Variants in SLC2A9 observed in about 807,000 individuals in gnomAD.
SLC2A9 encodes solute carrier family 2, facilitated glucose transporter member 9.
In SLC2A9, 39 loss-of-function variants were observed where a neutral mutation model predicts 50.6. The ratio of observed to expected loss-of-function variants is 0.77; its 90% CI spans 0.60 to 1.01. The LOEUF is 1.01. SLC2A9 is among the 50% of genes least tolerant of loss of function. The pLI is 0.00. For synonymous variants in SLC2A9, 324 were observed against 276.9 expected, an observed-to-expected ratio of 1.17 and a Z score of -1.69; for missense variants, 686 against 677.6, an observed-to-expected ratio of 1.01 and a Z score of -0.14.
chr4:10,019,360 G>A (rs1454438296), intron 1 of SLC2A9: 2 of 519,024 alleles, frequency 3.9e-6, no homozygotes, highest in Non-Finnish European at 7.0e-6. Context: ...AGCTGCTCTG[G>A]GCAGCTCCAC....
At chr4:10,025,919 T>C (rs752457867), upstream of SLC2A9, 4 of 1,614,004 alleles carry the variant, frequency 2.5e-6, no homozygotes, top group Non-Finnish European at 3.4e-6. Flanking sequence ...TCTTTTTCGC[T>C]GAATCACTTT....
intron 5 of SLC2A9, among the ~76,000 whole-genome samples, chr4:9,948,665 C>A (rs1749649734): frequency 6.6e-6 from 1 of 152,208 alleles, no homozygotes; most frequent in South Asian, 2.1e-4. Context: ...TCCAAATTAT[C>A]CCACTCTGAT....
intron 3 of SLC2A9, among the ~76,000 whole-genome samples, chr4:9,804,903 G>A (rs1353690497): frequency 6.6e-6 from 1 of 152,142 alleles, no homozygotes; most frequent in Admixed American, 6.5e-5. Flanking sequence ...AGCTGAGAGG[G>A]CTAACAGGGG....
At chr4:9,772,013 G>A (rs1387596516) in intron 1 of SLC2A9, among the ~76,000 whole-genome samples, 1 of 152,154 alleles carries the variant, frequency 6.6e-6, no homozygotes, top group Non-Finnish European at 1.5e-5. Flanking sequence ...CTGAGGAGCT[G>A]GGAATTAGTG....
chr4:9,979,587 A>T (rs1293389217), intron 5 of SLC2A9, among the ~76,000 whole-genome samples: 1 of 151,958 alleles, frequency 6.6e-6, no homozygotes, highest in African/African-American at 2.4e-5. Flanking sequence ...TCGCAGCTGC[A>T]TCCTTCCCTT....
chr4:9,901,689 T>G (rs1212220361), intron 8 of SLC2A9, among the ~76,000 whole-genome samples: 3 of 145,498 alleles, frequency 2.1e-5, no homozygotes, highest in Non-Finnish European at 4.5e-5. Context: ...CACCAGCCCC[T>G]TGGCCCCTCA....
At chr4:9,831,213 C>A (rs543392677) in intron 11 of SLC2A9, among the ~76,000 whole-genome samples, 7 of 151,992 alleles carry the variant, frequency 4.6e-5, no homozygotes, top group South Asian at 2.1e-4. Flanking sequence ...GGCTGAACTG[C>A]GTCCCTCCTG....
chr4:10,012,097 T>C (rs1451729057), intron 2 of SLC2A9, among the ~76,000 whole-genome samples: 1 of 152,230 alleles, frequency 6.6e-6, no homozygotes, highest in Non-Finnish European at 1.5e-5. Flanking sequence ...AGTTCAGTAG[T>C]TGCAACAGAG....
chr4:9,876,398 G>C (rs1241123899), intron 10 of SLC2A9, among the ~76,000 whole-genome samples: 2 of 152,086 alleles, frequency 1.3e-5, no homozygotes, highest in African/African-American at 2.4e-5. Flanking sequence ...TTCCAGACCA[G>C]GTTGGGAAAC....
chr4:9,871,148 AC>A (rs1733363538), intron 10 of SLC2A9, among the ~76,000 whole-genome samples: 1 of 152,046 alleles, frequency 6.6e-6, no homozygotes, highest in Admixed American at 6.6e-5. Context: ...GTGCACCATA[AC>A]CTTGGCAGGC....
rs934620937 is a variant in SLC2A9 at position 9,783,614 on chromosome 4, G to A, written n.386-3549C>T. On this transcript the variant is annotated intron_variant and non_coding_transcript_variant, in intron 3 of 3. Coordinates refer to the SLC2A9 transcript ENST00000503803. ...GTGTGCTTAGAAACCTCACCCCATT[G>A]ATTGGTAGTTCGAAGAATTGGCAGA... 50 of 747,750 alleles carry A rather than the reference G, an allele frequency of 6.7e-5. No individual in the cohort carries two copies. In the African/African-American group the frequency reaches 7.6e-4, roughly 11 times the overall value. The allele number at this position is 747,750 out of a possible 1,614,324, so 46.3% of individuals were successfully genotyped here.
At chr4:9,816,820 T>C (rs1041381839) in intron 3 of SLC2A9, among the ~76,000 whole-genome samples, 1 of 144,026 alleles carries the variant, frequency 6.9e-6, no homozygotes, top group Non-Finnish European at 1.5e-5. Context: ...AAGTTAAAAA[T>C]TAAAAAAAAA....
At chr4:9,882,254 C>T (rs764163222) in intron 10 of SLC2A9, among the ~76,000 whole-genome samples, 1 of 152,126 alleles carries the variant, frequency 6.6e-6, no homozygotes, top group Admixed American at 6.6e-5. Flanking sequence ...GCCCCCTCCC[C>T]TTATCCTCAA....
rs1218331238 is a variant in SLC2A9, at chr4:9,826,508, G to C, written c.1512C>G (p.Asn504Lys). ...YLYFVLPETK[N>K]RTYAEISQAF... is the part of the protein sequence containing the mutation. ...CCTGGCTGATTTCTGCATAGGTTCT[G>C]TTTTTGGTCTCAGGCAGCACAAAAT... The change falls in exon 12 of 12, where the codon AAC (asparagine) becomes AAG (lysine). Residue 504 changes from asparagine (N) to lysine (K), a missense_variant. Physicochemically the swap from Asn to Lys is moderately conservative, Grantham distance 94. Transcript: ENST00000264784. 1 of 1,613,084 alleles carries C rather than the reference G, an allele frequency of 6.2e-7. No homozygotes were observed. Among genetic ancestry groups the C allele is most frequent in the Non-Finnish European group, 8.5e-7 (1 of 1,179,526 alleles).
intron 3 of SLC2A9, among the ~76,000 whole-genome samples, chr4:9,818,196 T>C (rs1297935913): frequency 6.6e-6 from 1 of 151,682 alleles, no homozygotes. Flanking sequence ...TTCATCTCCA[T>C]CTGACACGCT....
intron 5 of SLC2A9, among the ~76,000 whole-genome samples, chr4:9,954,061 A>G (rs1026561976): frequency 6.6e-6 from 1 of 152,144 alleles, no homozygotes; most frequent in Non-Finnish European, 1.5e-5. Context: ...CACCCACCTC[A>G]GCCTCCCAAA....
chr4:9,808,119 G>A (rs1242200242), intron 3 of SLC2A9, among the ~76,000 whole-genome samples: 2 of 152,212 alleles, frequency 1.3e-5, no homozygotes, highest in Non-Finnish European at 2.9e-5. Flanking sequence ...GAGCAGGCAG[G>A]GCTGTCACGG....
At chr4:9,956,257 G>A (rs62294329) in intron 5 of SLC2A9, among the ~76,000 whole-genome samples, 73,187 of 151,406 alleles carry the variant, frequency 0.48, 19,032 homozygotes, top group African/African-American at 0.67. Context: ...GCCAAGGCAG[G>A]TGGATCACAA....
chr4:9,965,081 A>G (rs1752853597), intron 5 of SLC2A9, among the ~76,000 whole-genome samples: 1 of 152,242 alleles, frequency 6.6e-6, no homozygotes. Flanking sequence ...CAAGTGCTGA[A>G]CATGTATTCT....
Sources: gnomAD v4.1 joint callset for allele counts (sites outside exome capture counted in the v4.1 genomes callset) on GRCh38, gnomAD v4.1.1 for gene constraint, MANE v1.5 for transcripts, NCBI Gene and HGNC (gene_info 2026-07-23, HGNC 2026-07-21) for gene names.